PHLPP1: variants seen among roughly 807,000 people sequenced by gnomAD.
PHLPP1 encodes the protein PH domain and leucine rich repeat protein phosphatase 1.
In PHLPP1, 42 loss-of-function variants were observed where a neutral mutation model predicts 117.2. That is an observed-to-expected ratio of 0.36 (90% CI 0.28 to 0.46). The LOEUF is 0.46. Ranked by LOEUF, PHLPP1 falls within the 20% of genes least tolerant of loss-of-function variation. The probability of loss-of-function intolerance (pLI) is 1.00; values close to 1 mark genes in which losing one functional copy is unlikely to be tolerated. For missense variants in PHLPP1, 2,084 were observed against 2,241.9 expected (o/e 0.93, Z 1.42); for synonymous variants, 1,042 against 970.7 (o/e 1.07, Z -1.37).
chr18:62,888,287 ATG>A (rs200659921), intron 4 of PHLPP1, among the ~76,000 whole-genome samples: 41,867 of 130,562 alleles, frequency 0.32, 5,531 homozygotes, highest in East Asian at 0.39. Context: ...ATTTCACAAA[ATG>A]TGTGTGTGTG....
At chr18:62,807,021 T>G (rs990849948) in intron 1 of PHLPP1, among the ~76,000 whole-genome samples, 1 of 152,148 alleles carries the variant, frequency 6.6e-6, no homozygotes, top group Non-Finnish European at 1.5e-5. Flanking sequence ...AAAGTTGCCC[T>G]TATTGTCTTT....
chr18:62,795,367 A>G (rs1206597708), intron 1 of PHLPP1, among the ~76,000 whole-genome samples: 6 of 151,404 alleles, frequency 4.0e-5, no homozygotes, highest in Non-Finnish European at 7.4e-5. Context: ...AGTCCCAGCT[A>G]CTCGGGAGGC....
chr18:62,944,095 A>G (rs1910208821), intron 11 of PHLPP1, among the ~76,000 whole-genome samples: 1 of 152,110 alleles, frequency 6.6e-6, no homozygotes, highest in Non-Finnish European at 1.5e-5. Context: ...TTAAAAGTGT[A>G]TTGTGACAAA....
intron 1 of PHLPP1, among the ~76,000 whole-genome samples, chr18:62,770,468 C>T (rs1912725060): frequency 1.3e-5 from 2 of 152,206 alleles, no homozygotes; most frequent in Admixed American, 1.3e-4. Context: ...AGTTTTGTTA[C>T]AGGCCATTTT....
intron 3 of PHLPP1, among the ~76,000 whole-genome samples, chr18:62,855,228 A>G (rs1395738689): frequency 2.0e-5 from 3 of 152,168 alleles, no homozygotes; most frequent in Admixed American, 1.3e-4. Flanking sequence ...AATAAAGCCT[A>G]CTTGCTCTGA....
In PHLPP1 at chr18:62,895,936, T is replaced by C; in HGVS notation, c.2369T>C (p.Met790Thr). 6.2e-7 allele frequency: 1 copy of C among 1,613,936 alleles called. No individual in the cohort carries two copies. Among genetic ancestry groups the C allele is most frequent in the Non-Finnish European group, 8.5e-7 (1 of 1,179,816 alleles). Residue 790 changes from methionine to threonine, a missense_variant, in exon 6 of 17, where the codon ATG (methionine) becomes ACG (threonine). Met to Thr is a moderately conservative substitution (Grantham distance 81, BLOSUM62 -1). This residue lies in a region of PHLPP1 where 1,365 missense variants were observed against 1,605.9 expected (regional missense o/e 0.85). Transcript: ENST00000262719. ...EKLTAVDKLC[M>T]SGNCVETLRL... The stretch of plus-strand genomic sequence containing the variant: ...TTGACTGCTGTGGATAAACTTTGTA[T>C]GTCTGGAAACTGTGTGGAGACCCTT...
rs759370524 is a variant in PHLPP1 at position 62,963,402 on chromosome 18, A to G, written c.3490A>G (p.Thr1164Ala). 3 of 1,613,330 alleles carry G rather than the reference A, an allele frequency of 1.9e-6. No homozygotes were observed. The highest frequency in any genetic ancestry group is 2.5e-6 in the Non-Finnish European group (3 of 1,179,574). ...IRCFKIDQPS[T>A]GDASGAPAVW... ...CTGTTTCAAGATTGATCAGCCTTCT[A>G]CAGGAGACGCTTCCGGAGCCCCAGC... The change falls in exon 14 of 17, where the codon ACA becomes GCA. Residue 1164 changes from threonine (T) to alanine (A), a missense_variant. Physicochemically the swap from Thr to Ala is moderately conservative, Grantham distance 58. Around this residue, in one of 2 missense-constraint regions of PHLPP1, gnomAD observed 1,365 missense variants for 1,605.9 expected, o/e 0.85. Transcript: ENST00000262719.
intron 1 of PHLPP1, among the ~76,000 whole-genome samples, chr18:62,767,069 T>C (rs1912565967): frequency 6.6e-6 from 1 of 152,100 alleles, no homozygotes; most frequent in South Asian, 2.1e-4. Flanking sequence ...CAAGAAATGG[T>C]GGAGGGGGTG....
chr18:62,860,888 C>T (rs893896822), intron 4 of PHLPP1, among the ~76,000 whole-genome samples: 3 of 152,100 alleles, frequency 2.0e-5, no homozygotes, highest in Non-Finnish European at 2.9e-5. Flanking sequence ...TCTAAAAATG[C>T]ATGTGCAAAA....
chr18:62,966,117 GTC>G (rs1910897462), intron 14 of PHLPP1, among the ~76,000 whole-genome samples: 1 of 151,994 alleles, frequency 6.6e-6, no homozygotes, highest in Non-Finnish European at 1.5e-5. Context: ...CAGTTTCTCA[GTC>G]TCTCTTTAGC....
intron 10 of PHLPP1, among the ~76,000 whole-genome samples, chr18:62,931,623 G>A (rs377715219): frequency 2.0e-5 from 3 of 150,750 alleles, no homozygotes; most frequent in Admixed American, 6.6e-5. Context: ...GGCCGGGCAC[G>A]GTGGCTCATG....
chr18:62,748,279 C>G (rs1468100667), intron 1 of PHLPP1, among the ~76,000 whole-genome samples: 4 of 147,754 alleles, frequency 2.7e-5, no homozygotes, highest in Admixed American at 2.0e-4. Flanking sequence ...GGGTATCGCT[C>G]TGTCATCCAG....
intron 4 of PHLPP1, among the ~76,000 whole-genome samples, chr18:62,868,427 G>C (rs978555664): frequency 6.6e-6 from 1 of 151,808 alleles, no homozygotes; most frequent in Non-Finnish European, 1.5e-5. Flanking sequence ...ATGTTGGCCA[G>C]CCTGGCCAAC....
chr18:62,780,279 TAAG>T (rs1913080572), intron 1 of PHLPP1, among the ~76,000 whole-genome samples: 1 of 152,214 alleles, frequency 6.6e-6, no homozygotes, highest in Non-Finnish European at 1.5e-5. Flanking sequence ...GTGGCTGCAA[TAAG>T]AAATACTGTA....
intron 4 of PHLPP1, among the ~76,000 whole-genome samples, chr18:62,885,213 A>T (rs997091461): frequency 2.0e-5 from 3 of 152,168 alleles, no homozygotes; most frequent in Non-Finnish European, 2.9e-5. Context: ...CTTTCTTTCA[A>T]CTTTGACACT....
chr18:62,964,616 C>G (rs944724483), intron 14 of PHLPP1, among the ~76,000 whole-genome samples: 1 of 152,182 alleles, frequency 6.6e-6, no homozygotes, highest in African/African-American at 2.4e-5. Flanking sequence ...TGCCTCAGTT[C>G]TGCCTGGGCT....
At chr18:62,719,582 GT>G (rs1227458059) in intron 1 of PHLPP1, among the ~76,000 whole-genome samples, 1 of 152,110 alleles carries the variant, frequency 6.6e-6, no homozygotes, top group Non-Finnish European at 1.5e-5. Context: ...TTTGGTAGTA[GT>G]TTTTTTCTGT....
At chr18:62,879,404 ATGTGTGTGTGTG>A (rs61701836) in intron 4 of PHLPP1, among the ~76,000 whole-genome samples, 1 of 145,840 alleles carries the variant, frequency 6.9e-6, no homozygotes, top group Non-Finnish European at 1.5e-5. Flanking sequence ...TATTCTGGAT[ATGTGTGTGTGTG>A]TGTGTGTGTG....
At chr18:62,772,830 C>CAAAAAAAAAAAAAAAAA (rs59776161) in intron 1 of PHLPP1, among the ~76,000 whole-genome samples, 19 of 61,026 alleles carry the variant, frequency 3.1e-4, no homozygotes, top group African/African-American at 1.4e-3. Context: ...GACTCTTTCT[C>CAAAAAAAAAAAAAAAAA]AAAAAAAAAA....
Sources: gnomAD v4.1 joint callset for allele counts (sites outside exome capture counted in the v4.1 genomes callset) on GRCh38, gnomAD v4.1.1 for gene constraint, gnomAD v4.1.1 regional missense constraint, MANE v1.5 for transcripts, NCBI Gene and HGNC (gene_info 2026-07-23, HGNC 2026-07-21) for gene names.